Variants in SYNRG observed in about 807,000 individuals in gnomAD.
The protein encoded by SYNRG is AP1 gamma subunit binding protein 1.
A neutral mutation model predicts 130.9 loss-of-function variants in SYNRG; 37 were observed. The ratio of observed to expected loss-of-function variants is 0.28; its 90% CI spans 0.22 to 0.37. The LOEUF (loss-of-function observed/expected upper bound fraction) is 0.37, where lower values mean the gene tolerates loss of function less well. SYNRG is among the 10% of genes least tolerant of loss of function. The probability of loss-of-function intolerance (pLI) is 1.00; values close to 1 mark genes in which losing one functional copy is unlikely to be tolerated. For synonymous variants in SYNRG, 539 were observed against 568.1 expected, an observed-to-expected ratio of 0.95 and a Z score of 0.73; for missense variants, 1,338 against 1,588.9, an observed-to-expected ratio of 0.84 and a Z score of 2.68.
intron 19 of SYNRG, among the ~76,000 whole-genome samples, chr17:37,521,304 A>G (rs2055023523): frequency 6.6e-6 from 1 of 152,122 alleles, no homozygotes; most frequent in South Asian, 2.1e-4. Flanking sequence ...TGGTGGGATT[A>G]CAGGCATAAG....
At chr17:37,602,259 C>T (rs1218587590) in intron 1 of SYNRG, among the ~76,000 whole-genome samples, 1 of 151,900 alleles carries the variant, frequency 6.6e-6, no homozygotes, top group Non-Finnish European at 1.5e-5. Flanking sequence ...ATCACTTGAA[C>T]CCAGGAGGCG....
At chr17:37,543,585 G>A (rs2057983172) in intron 14 of SYNRG, among the ~76,000 whole-genome samples, 1 of 152,206 alleles carries the variant, frequency 6.6e-6, no homozygotes, top group Admixed American at 6.5e-5. Flanking sequence ...GAAGGACTGT[G>A]TTATGACCAT....
In SYNRG at chr17:37,585,307, G is replaced by A. The variant is rs765319471; in HGVS notation, c.477+18C>T. 2 of 1,594,540 alleles carry A rather than the reference G, an allele frequency of 1.3e-6. No homozygotes were observed. Among genetic ancestry groups the A allele is most frequent in the Non-Finnish European group, 1.7e-6 (2 of 1,165,634 alleles). On this transcript the variant is annotated intron_variant, in intron 5 of 21. Coordinates refer to ENST00000612223, the MANE Select transcript of SYNRG (RefSeq NM_007247.6). ...AGGGTGTGTATGTTCTGGGTGAAGA[G>A]AAGTATTGAAATACTACCTTGGGTT...
At chr17:37,575,998 A>G (rs1220892326) in intron 8 of SYNRG, among the ~76,000 whole-genome samples, 4 of 151,602 alleles carry the variant, frequency 2.6e-5, no homozygotes, top group Non-Finnish European at 5.9e-5. Flanking sequence ...AAATTACATT[A>G]AATATTTTGG....
At chr17:37,556,313 T>C (rs1192319439) in intron 13 of SYNRG, among the ~76,000 whole-genome samples, 1 of 151,942 alleles carries the variant, frequency 6.6e-6, no homozygotes, top group Non-Finnish European at 1.5e-5. Flanking sequence ...TAGCTGGGTG[T>C]GGTGGCAGGT....
rs747436933 is a variant in SYNRG at position 37,585,425 on chromosome 17, C to A, written c.377G>T (p.Arg126Leu). ...TAAGAGTTTTTGCTGCTGTTCAAATCGTTTCCTGAAGGAAAAATGATCTAA... is the reference window on the plus strand; with the variant it reads ...TAAGAGTTTTTGCTGCTGTTCAAATAGTTTCCTGAAGGAAAAATGATCTAA... ...QKQFAEEQQK[R>L]FEQQQKLLEE... Residue 126 changes from arginine (R) to leucine (L), a missense_variant, in exon 5 of 22, where the codon CGA (arginine) becomes CTA (leucine). Arg to Leu is a moderately radical substitution (Grantham distance 102). Around this residue, in one of 3 missense-constraint regions of SYNRG, gnomAD observed 184 missense variants for 217.2 expected, o/e 0.85. Transcript: ENST00000612223. The A allele has an allele frequency of 6.2e-7, 1 of 1,611,532 alleles. No homozygotes were observed. The highest frequency in any genetic ancestry group is 1.1e-5 in the South Asian group (1 of 90,908).
intron 3 of SYNRG, among the ~76,000 whole-genome samples, chr17:37,594,128 G>GT: frequency 6.7e-6 from 1 of 149,168 alleles, no homozygotes; most frequent in East Asian, 1.9e-4. Flanking sequence ...AGATAATTGT[G>GT]TAAGTCATAA....
rs992028286 is a variant in SYNRG at position 37,517,124 on chromosome 17, G to C, written c.*1816C>G. 2.0e-5 allele frequency: 3 copies of C among 152,572 alleles called. No individual in the cohort carries two copies. The highest frequency in any genetic ancestry group is 4.4e-5 in the Non-Finnish European group (3 of 68,360). The allele number at this position is 152,572 out of a possible 1,614,324, so 9.5% of individuals were successfully genotyped here. On this transcript the variant is annotated 3_prime_UTR_variant, in exon 22 of 22. Coordinates refer to ENST00000612223, the MANE Select transcript of SYNRG (RefSeq NM_007247.6). ...AGCTACTCACGAGGCTGAGGCAGGA[G>C]AATCGCTTGAACCCGGGAGGCGGAG...
intron 3 of SYNRG, among the ~76,000 whole-genome samples, chr17:37,590,103 G>A (rs1011124420): frequency 1.1e-4 from 16 of 151,764 alleles, no homozygotes; most frequent in African/African-American, 3.4e-4. Flanking sequence ...CCCGGGAGGC[G>A]GCAGCTGCAG....
intron 19 of SYNRG, among the ~76,000 whole-genome samples, chr17:37,535,438 C>T (rs745969100): frequency 2.6e-5 from 4 of 152,216 alleles, no homozygotes; most frequent in Non-Finnish European, 5.9e-5. Flanking sequence ...CAGCTACATA[C>T]GCATGCATGC....
chr17:37,605,905 CTACA>C, intron 1 of SYNRG: 1 of 985,406 alleles, frequency 1.0e-6, no homozygotes, highest in Non-Finnish European at 1.2e-6. Context: ...GCCTAAACTC[CTACA>C]TAAAGACTTC....
Position 37,578,379 on chromosome 17 carries a change from G to A in SYNRG, c.590-766C>T, listed in dbSNP as rs114607125. 2.3e-3 allele frequency among the ~76,000 whole-genome samples: 344 copies of A among 152,080 alleles called. 4 individuals carry two copies. Among genetic ancestry groups the A allele is most frequent in the African/African-American group, 7.8e-3 (322 of 41,500 alleles). On this transcript the variant is annotated intron_variant, in intron 6 of 21. Coordinates refer to ENST00000612223, the MANE Select transcript of SYNRG (RefSeq NM_007247.6). Reference sequence around the variant, plus strand: ...GAAATAATTCAATCACTGCACATTTGTATAGGACTTGAGAGACTTCAGAGA... The same window carrying A: ...GAAATAATTCAATCACTGCACATTTATATAGGACTTGAGAGACTTCAGAGA...
chr17:37,600,208 G>C (rs1347087095), intron 2 of SYNRG, among the ~76,000 whole-genome samples, 155 bp downstream of exon 2: 1 of 152,206 alleles, frequency 6.6e-6, no homozygotes, highest in Non-Finnish European at 1.5e-5. Flanking sequence ...GAAAATTTAA[G>C]AGTAGCTGTC....
chr17:37,604,038 T>C (rs2063520363), intron 1 of SYNRG, among the ~76,000 whole-genome samples: 1 of 152,056 alleles, frequency 6.6e-6, no homozygotes, highest in African/African-American at 2.4e-5. Context: ...GTCAGGAGTA[T>C]GTGACCAGCC....
At chr17:37,596,086 T>C (rs2146886245) in intron 3 of SYNRG, 137 bp downstream of exon 3, 1 of 995,732 alleles carries the variant, frequency 1.0e-6, no homozygotes, top group African/African-American at 1.6e-5. Flanking sequence ...TGAACACATC[T>C]TCATTTTAGT....
chr17:37,580,533 G>C (rs1207112270), intron 6 of SYNRG, among the ~76,000 whole-genome samples: 3 of 151,512 alleles, frequency 2.0e-5, no homozygotes, highest in Non-Finnish European at 4.4e-5. Flanking sequence ...GAGAGAGAGA[G>C]AGACGGAGTC....
intron 1 of SYNRG, among the ~76,000 whole-genome samples, chr17:37,607,934 C>A (rs114628931): frequency 0.057 from 5,942 of 103,694 alleles, 439 homozygotes; most frequent in African/African-American, 0.19. Context: ...CTGGCCTGGG[C>A]AACAGAGCAA....
chr17:37,558,409 G>A (rs75900311), intron 13 of SYNRG, among the ~76,000 whole-genome samples: 2,487 of 152,278 alleles, frequency 0.016, 63 homozygotes, highest in African/African-American at 0.055. Context: ...TCTCATTAGA[G>A]TATACACATT....
chr17:37,584,851 A>G (rs2061577856), intron 5 of SYNRG, 92 bp from the exon 6 acceptor site: 2 of 926,972 alleles, frequency 2.2e-6, no homozygotes, highest in Middle Eastern at 3.2e-4. Context: ...ATATTCATCT[A>G]TTTCCAATAT....
Sources: allele counts gnomAD v4.1 joint callset (sites outside exome capture counted in the v4.1 genomes callset), GRCh38; gene constraint gnomAD v4.1.1; regional missense constraint gnomAD v4.1.1; transcripts MANE v1.5; gene names NCBI Gene and HGNC (gene_info 2026-07-23, HGNC 2026-07-21).